Variants in SNTB1 observed in about 807,000 individuals in gnomAD.
SNTB1 encodes beta-1-syntrophin.
Under a neutral mutation model 48.9 loss-of-function variants are expected in SNTB1, and 36 were observed. That is an observed-to-expected ratio of 0.74 (90% confidence interval 0.56 to 0.97). SNTB1 has a LOEUF of 0.97. Among genes scored for constraint, SNTB1 ranks in the 50% least tolerant of loss-of-function variants. SNTB1 has a pLI of 0.00. For missense variants in SNTB1, 786 were observed against 703.4 expected (o/e 1.12, Z -1.33); for synonymous variants, 299 against 294.6 (o/e 1.01, Z -0.15).
intron 2 of SNTB1, chr8:120,654,859 C>T (rs968055983): frequency 2.5e-6 from 1 of 402,972 alleles, no homozygotes; most frequent in Non-Finnish European, 4.8e-6. Context: ...CACAACCTGA[C>T]AACAAAAGTT....
At chr8:120,541,405 TCTCCTCGGAG>T in intron 6 of SNTB1, among the ~76,000 whole-genome samples, 1 of 152,102 alleles carries the variant, frequency 6.6e-6, no homozygotes, top group African/African-American at 2.4e-5. Flanking sequence ...CTCTCTGTCC[TCTCCTCGGAG>T]ACTTCCCTGA....
At chr8:120,590,675 C>CTTTTTTTTTT (rs1816224971) in intron 3 of SNTB1, among the ~76,000 whole-genome samples, 1 of 139,022 alleles carries the variant, frequency 7.2e-6, no homozygotes. Context: ...CTTTTGTTTT[C>CTTTTTTTTTT]TTTTCTTTTC....
intron 1 of SNTB1, among the ~76,000 whole-genome samples, chr8:120,788,228 G>A (rs1404266874): frequency 6.6e-6 from 1 of 152,110 alleles, no homozygotes; most frequent in Non-Finnish European, 1.5e-5. Flanking sequence ...ACTAAAAGGA[G>A]TTCTAAATCT....
chr8:120,654,886 C>T, intron 2 of SNTB1: 2 of 432,938 alleles, frequency 4.6e-6, no homozygotes, highest in Non-Finnish European at 4.5e-6. Context: ...GACCTTTCCC[C>T]TCCAAGTGAC....
intron 1 of SNTB1, among the ~76,000 whole-genome samples, chr8:120,706,780 A>G (rs1484819170): frequency 6.6e-6 from 1 of 152,174 alleles, no homozygotes; most frequent in Non-Finnish European, 1.5e-5. Context: ...CTATTATTCC[A>G]GGTGTAGCTT....
chr8:120,791,664 A>G (rs1236951950), intron 1 of SNTB1, among the ~76,000 whole-genome samples: 2 of 152,106 alleles, frequency 1.3e-5, no homozygotes. Context: ...TGAATTTCTC[A>G]AAAGAAGATA....
At chr8:120,747,106 A>G (rs1307357520) in intron 1 of SNTB1, among the ~76,000 whole-genome samples, 2 of 152,162 alleles carry the variant, frequency 1.3e-5, no homozygotes, top group Non-Finnish European at 2.9e-5. Flanking sequence ...AATACAGAAT[A>G]TATCACATGG....
chr8:120,670,644 TC>T (rs1280291225), intron 2 of SNTB1, among the ~76,000 whole-genome samples: 3 of 152,154 alleles, frequency 2.0e-5, no homozygotes, highest in Non-Finnish European at 2.9e-5. Context: ...TGTAAGTAGA[TC>T]AAATTAAAAC....
intron 3 of SNTB1, among the ~76,000 whole-genome samples, chr8:120,625,233 C>A (rs1445856063): frequency 6.6e-6 from 1 of 152,206 alleles, no homozygotes; most frequent in African/African-American, 2.4e-5. Context: ...CACTGGGGGA[C>A]ACGTTCAAAC....
intron 2 of SNTB1, among the ~76,000 whole-genome samples, chr8:120,692,831 T>G (rs1320108509): frequency 6.6e-6 from 1 of 152,208 alleles, no homozygotes; most frequent in Admixed American, 6.5e-5. Flanking sequence ...TAAGAAATAT[T>G]ACTATTGCTT....
chr8:120,588,632 T>C (rs1187221106), intron 3 of SNTB1, among the ~76,000 whole-genome samples: 1 of 152,180 alleles, frequency 6.6e-6, no homozygotes, highest in Non-Finnish European at 1.5e-5. Context: ...AGCTTAGTTA[T>C]TTTCACTGTG....
At chr8:120,601,460 T>C (rs1816420677) in intron 3 of SNTB1, among the ~76,000 whole-genome samples, 1 of 152,214 alleles carries the variant, frequency 6.6e-6, no homozygotes, top group South Asian at 2.1e-4. Context: ...TACCTGAGCC[T>C]AACCCCATCT....
intron 2 of SNTB1, among the ~76,000 whole-genome samples, chr8:120,669,106 T>C (rs1341562807): frequency 6.6e-6 from 1 of 152,178 alleles, no homozygotes; most frequent in African/African-American, 2.4e-5. Context: ...TTTCATAAAA[T>C]GTTTGAGGCA....
chr8:120,764,644 T>G (rs968889527), intron 1 of SNTB1, among the ~76,000 whole-genome samples: 3 of 152,152 alleles, frequency 2.0e-5, no homozygotes, highest in Non-Finnish European at 2.9e-5. Context: ...CTTTCTAAAT[T>G]CAACCTCTCA....
chr8:120,567,184 AC>A (rs1267669226), intron 4 of SNTB1, among the ~76,000 whole-genome samples: 5 of 152,134 alleles, frequency 3.3e-5, no homozygotes, highest in African/African-American at 1.2e-4. Flanking sequence ...GAATGCGGTA[AC>A]CCTGAGAAAC....
At chr8:120,588,362 G>A (rs188404127) in intron 3 of SNTB1, among the ~76,000 whole-genome samples, 19 of 148,712 alleles carry the variant, frequency 1.3e-4, no homozygotes, top group Non-Finnish European at 2.7e-4. Context: ...CTTTCAGTGC[G>A]ATCTACCAAA....
chr8:120,576,465 G>A (rs1046401797), intron 3 of SNTB1, among the ~76,000 whole-genome samples: 4 of 152,172 alleles, frequency 2.6e-5, no homozygotes, highest in African/African-American at 9.7e-5. Context: ...CTAGTATGAG[G>A]AATGAGTGAT....
intron 2 of SNTB1, among the ~76,000 whole-genome samples, chr8:120,634,474 T>G (rs552408741): frequency 6.6e-6 from 1 of 152,294 alleles, no homozygotes; most frequent in Admixed American, 6.5e-5. Flanking sequence ...GCCACACCGT[T>G]GGTGATGCTG....
intron 2 of SNTB1, among the ~76,000 whole-genome samples, chr8:120,673,107 G>A (rs1206627505): frequency 6.6e-6 from 1 of 152,086 alleles, no homozygotes; most frequent in African/African-American, 2.4e-5. Flanking sequence ...TGCCCCTGTA[G>A]CCTAAGAGAG....
Sources: allele counts gnomAD v4.1 joint callset (sites outside exome capture counted in the v4.1 genomes callset), GRCh38; gene constraint gnomAD v4.1.1; transcripts MANE v1.5; gene names NCBI Gene and HGNC (gene_info 2026-07-23, HGNC 2026-07-21).